Variants in NPR1 observed in about 807,000 individuals in gnomAD.
The protein encoded by NPR1 is atrial natriuretic peptide receptor 1.
NPR1 carries 57 observed loss-of-function variants against 116.9 expected under a neutral mutation model. The ratio of observed to expected loss-of-function variants is 0.49; its 90% CI spans 0.39 to 0.61. NPR1 has a LOEUF of 0.61. Ranked by LOEUF, NPR1 falls within the 20% of genes least tolerant of loss-of-function variation. The pLI is 0.00. For missense variants in NPR1, 1,096 were observed against 1,409.8 expected (o/e 0.78, Z 3.56); for synonymous variants, 555 against 601.6 (o/e 0.92, Z 1.13).
In NPR1 at chr1:153,687,246, T is replaced by A. The variant is rs1314865999; in HGVS notation, c.1982T>A (p.Leu661His). 6.2e-7 allele frequency: 1 copy of A among 1,614,146 alleles called. No individual in the cohort carries two copies. Among genetic ancestry groups the A allele is most frequent in the South Asian group, 1.1e-5 (1 of 91,090 alleles). The change falls in exon 13 of 22, where the codon CTC becomes CAC. Residue 661 changes from leucine to histidine, a missense_variant. Leu to His is a moderately conservative substitution (Grantham distance 99). Coordinates refer to ENST00000368680, the MANE Select transcript of NPR1 (RefSeq NM_000906.4). ...HNGAICSHGN[L>H]KSSNCVVDGR... ...GGGGCTATCTGTTCCCATGGGAACC[T>A]CAAGTCATCCAACTGCGTGGTAGAT...
At chr1:153,683,913 C>T in intron 7 of NPR1, 89 bp downstream of exon 7, 2 of 1,193,008 alleles carry the variant, frequency 1.7e-6, no homozygotes, top group Non-Finnish European at 2.5e-6. Flanking sequence ...GGGAAGAGGG[C>T]AGGGGTGAAG....
chr1:153,689,592 C>A lies in NPR1; in HGVS notation c.2757+71C>A. 6.9e-7 allele frequency: 1 copy of A among 1,449,004 alleles called. No individual in the cohort carries two copies. The highest frequency in any genetic ancestry group is 9.7e-7 in the Non-Finnish European group (1 of 1,032,728). 89.8% of individuals were successfully genotyped at this position (1,449,004 alleles called of 1,614,324 possible). A position where few individuals can be genotyped will look rare whatever the true frequency, so the allele number is the denominator to read the frequency against. On this transcript the variant is annotated intron_variant, in intron 18 of 21. Transcript: ENST00000368680. This position sits in a 1 kb window ranked among gnomAD's most constrained non-coding sequence, Gnocchi z 5.1. Reference sequence around the variant, plus strand: ...AGGTCAGAAAAAGATGAGGGGTAGGCAGAATGATGTGGAGTCTTAAGAGAG... The same window carrying A: ...AGGTCAGAAAAAGATGAGGGGTAGGAAGAATGATGTGGAGTCTTAAGAGAG...
intron 20 of NPR1, among the ~76,000 whole-genome samples, chr1:153,691,625 C>T (rs913508545): frequency 6.6e-6 from 1 of 152,030 alleles, no homozygotes; most frequent in Non-Finnish European, 1.5e-5. Context: ...ACATTCTGGG[C>T]GCTGGGGGTG....
intron 20 of NPR1, among the ~76,000 whole-genome samples, chr1:153,690,637 A>G (rs1324377236): frequency 1.3e-5 from 2 of 152,098 alleles, no homozygotes; most frequent in Admixed American, 1.3e-4. Context: ...CCCAGCAGGA[A>G]TCTGATTTTA....
In NPR1 at chr1:153,679,139, C is replaced by A. The variant is rs1417422135; in HGVS notation, c.31C>A (p.Arg11Ser). 2.1e-6 allele frequency: 3 copies of A among 1,458,748 alleles called. No homozygotes were observed. Among genetic ancestry groups the A allele is most frequent in the South Asian group, 1.4e-5 (1 of 73,852 alleles). The allele number at this position is 1,458,748 out of a possible 1,614,324, so 90.4% of individuals were successfully genotyped here. Reference sequence around the variant, plus strand: ...GGGGCCCCGGCGCCCCGCTGGCTCCCGCCTGCGCCTGCTCCTGCTCCTGCT... The same window carrying A: ...GGGGCCCCGGCGCCCCGCTGGCTCCAGCCTGCGCCTGCTCCTGCTCCTGCT... MPGPRRPAGSRLRLLLLLLLP... is the reference protein window; with the variant it reads MPGPRRPAGSSLRLLLLLLLP... Residue 11 changes from arginine to serine, a missense_variant, in exon 1 of 22, where the codon CGC (arginine) becomes AGC (serine). Coordinates refer to ENST00000368680, the MANE Select transcript of NPR1 (RefSeq NM_000906.4). The surrounding 1 kb of genome is among the most constrained non-coding windows in gnomAD (Gnocchi z 4.2).
chr1:153,679,029 C>G lies in NPR1; in HGVS notation c.-80C>G, dbSNP rs1486369258. On this transcript the variant is annotated 5_prime_UTR_variant, in exon 1 of 22. Coordinates refer to ENST00000368680, the MANE Select transcript of NPR1 (RefSeq NM_000906.4). The surrounding 1 kb of genome is among the most constrained non-coding windows in gnomAD (Gnocchi z 4.2). The stretch of plus-strand genomic sequence containing the variant: ...CCTTCCCATAGGGACGCGCCTGATG[C>G]CTGGGACCGGCCGCTGAGCCCAAGG... 1.5e-5 allele frequency: 20 copies of G among 1,366,428 alleles called. No homozygotes were observed. The Admixed American group carries it at 7.2e-4, about 49-fold the overall frequency. The allele number at this position is 1,366,428 out of a possible 1,614,324, so 84.6% of individuals were successfully genotyped here.
chr1:153,689,475 T>C lies in NPR1; in HGVS notation c.2711T>C (p.Leu904Pro). The change falls in exon 18 of 22, where the codon CTG becomes CCG. Residue 904 changes from leucine (L) to proline (P), a missense_variant. By Grantham distance (98) the Leu-to-Pro change is moderately conservative. Coordinates refer to ENST00000368680, the MANE Select transcript of NPR1 (RefSeq NM_000906.4). This position sits in a 1 kb window ranked among gnomAD's most constrained non-coding sequence, Gnocchi z 5.1. ...CAGGTGGTGACCCTGCTCAATGACCTGTACACTTGCTTTGATGCTGTCATA... is the reference window on the plus strand; with the variant it reads ...CAGGTGGTGACCCTGCTCAATGACCCGTACACTTGCTTTGATGCTGTCATA... ...PMQVVTLLND[L>P]YTCFDAVIDN... 6.2e-7 allele frequency: 1 copy of C among 1,614,214 alleles called. No homozygotes were observed. The highest frequency in any genetic ancestry group is 8.5e-7 in the Non-Finnish European group (1 of 1,180,034).
rs369475390 is a variant in NPR1, at chr1:153,689,123, C to T, written c.2564+24C>T. The T allele has an allele frequency of 1.1e-5, 17 of 1,614,062 alleles. No individual in the cohort carries two copies. Among genetic ancestry groups the T allele is most frequent in the East Asian group, 2.2e-5 (1 of 44,886 alleles). The stretch of plus-strand genomic sequence containing the variant: ...CAGTGAGTGCCTGAGTCTGGGGACC[C>T]CCCCCAACACAAAGCCCCTGTCCCG... On this transcript the variant is annotated intron_variant, in intron 16 of 21. Transcript: ENST00000368680. The surrounding 1 kb of genome is among the most constrained non-coding windows in gnomAD (Gnocchi z 5.1).
Position 153,689,785 on chromosome 1 carries a change from A to T in NPR1, c.2758-21A>T. 6.6e-7 allele frequency: 1 copy of T among 1,514,578 alleles called. No homozygotes were observed. The allele number at this position is 1,514,578 out of a possible 1,614,324, so 93.8% of individuals were successfully genotyped here. On this transcript the variant is annotated intron_variant, in intron 18 of 21. Transcript: ENST00000368680. This position sits in a 1 kb window ranked among gnomAD's most constrained non-coding sequence, Gnocchi z 5.1. ...CACAGTTGCAGCCGTCAAGTCCTGC[A>T]CCCCCTCGCCACTCCCACAGGTGGA...
At chr1:153,692,454 A>T (rs1236298815) in intron 20 of NPR1, among the ~76,000 whole-genome samples, 1 of 151,160 alleles carries the variant, frequency 6.6e-6, no homozygotes, top group African/African-American at 2.4e-5. Flanking sequence ...AGTAGCCTCT[A>T]GGCACATATG....
chr1:153,692,279 C>T lies in NPR1; in HGVS notation c.3032-827C>T, dbSNP rs1670127709. Among the ~76,000 whole-genome samples, 7 of 152,248 alleles carry T rather than the reference C, an allele frequency of 4.6e-5. No individual in the cohort carries two copies. The South Asian group carries it at 1.5e-3, about 32-fold the overall frequency. ...AAGCAGAGAGAATTTATTTTACATA[C>T]CTAAGCAAGTATCCAAGCTGAGGTT... On this transcript the variant is annotated intron_variant, in intron 20 of 21. Coordinates refer to ENST00000368680, the MANE Select transcript of NPR1 (RefSeq NM_000906.4).
chr1:153,687,905 C>A, intron 14 of NPR1, 116 bp downstream of exon 14: 1 of 1,207,166 alleles, frequency 8.3e-7, no homozygotes, highest in Non-Finnish European at 1.2e-6. Context: ...GTTCAGTCAC[C>A]ACCCTTTGAC....
Position 153,689,581 on chromosome 1 carries a change from T to C in NPR1, c.2757+60T>C. ...AGACATGGACAAGGTCAGAAAAAGA[T>C]GAGGGGTAGGCAGAATGATGTGGAG... On this transcript the variant is annotated intron_variant, in intron 18 of 21. Coordinates refer to ENST00000368680, the MANE Select transcript of NPR1 (RefSeq NM_000906.4). This position sits in a 1 kb window ranked among gnomAD's most constrained non-coding sequence, Gnocchi z 5.1. 1 of 1,508,574 alleles carries C rather than the reference T, an allele frequency of 6.6e-7. No homozygotes were observed. Among genetic ancestry groups the C allele is most frequent in the Non-Finnish European group, 9.2e-7 (1 of 1,085,688 alleles). The allele number at this position is 1,508,574 out of a possible 1,614,324, so 93.4% of individuals were successfully genotyped here.
At chr1:153,686,874 G>A in intron 11 of NPR1, 124 bp downstream of exon 11, 1 of 1,257,444 alleles carries the variant, frequency 8.0e-7, no homozygotes, top group East Asian at 2.4e-5. Context: ...TGTAAAAATG[G>A]GAGTTGGGGA....
In NPR1 at chr1:153,689,319, AG is replaced by A. The variant is rs749620343; in HGVS notation, c.2688+11del. 51 of 1,614,088 alleles carry A rather than the reference AG, an allele frequency of 3.2e-5. No individual in the cohort carries two copies. Among genetic ancestry groups the A allele is most frequent in the Admixed American group, 5.0e-5 (3 of 60,008 alleles). On this transcript the variant is annotated intron_variant, in intron 17 of 21. Transcript: ENST00000368680. This position sits in a 1 kb window ranked among gnomAD's most constrained non-coding sequence, Gnocchi z 5.1. ...GAGAGCACACCCATGCAGGTAGGCC[AG>A]GGTTCAGCCACAGGTGCCAGGCAAG... is the stretch of plus-strand genomic sequence containing the variant.
At position 153,683,432 on chromosome 1, in the gene NPR1, A is replaced by G; in HGVS notation, c.1320A>G (p.Lys440=). The change falls in exon 6 of 22, where the codon AAA becomes AAG. Residue 440 remains lysine, a synonymous_variant. Coordinates refer to ENST00000368680, the MANE Select transcript of NPR1 (RefSeq NM_000906.4). ...SQELVAVSGR[K]LNWPLGYPPP... The stretch of plus-strand genomic sequence containing the variant: ...AGCTGGTGGCTGTGTCGGGGCGCAA[A>G]CTGAACTGGCCCCTGGGGTACCCTC... The G allele has an allele frequency of 6.2e-7, 1 of 1,614,176 alleles. No homozygotes were observed. Among genetic ancestry groups the G allele is most frequent in the Non-Finnish European group, 8.5e-7 (1 of 1,180,018 alleles).
Position 153,679,868 on chromosome 1 carries a change from A to C in NPR1, c.721+39A>C. The C allele has an allele frequency of 1.3e-6, 2 of 1,531,274 alleles. No homozygotes were observed. The highest frequency in any genetic ancestry group is 1.7e-6 in the Non-Finnish European group (2 of 1,145,032). The allele number at this position is 1,531,274 out of a possible 1,614,324, so 94.9% of individuals were successfully genotyped here. A position where few individuals can be genotyped will look rare whatever the true frequency, so the allele number is the denominator to read the frequency against. On this transcript the variant is annotated intron_variant, in intron 1 of 21. Coordinates refer to ENST00000368680, the MANE Select transcript of NPR1 (RefSeq NM_000906.4). The surrounding 1 kb of genome is among the most constrained non-coding windows in gnomAD (Gnocchi z 4.2). Reference sequence around the variant, plus strand: ...ACACCCCGTCCCGCCGCTTAGCCGCAGGGCCTCCCCTCTGACCTGCCGGAG... The same window carrying C: ...ACACCCCGTCCCGCCGCTTAGCCGCCGGGCCTCCCCTCTGACCTGCCGGAG...
rs1189924933 is a variant in NPR1, at chr1:153,690,068, ATCTCTCTCTCTCTC to A, written c.2932+114_2932+127del. On this transcript the variant is annotated intron_variant, in intron 19 of 21. Coordinates refer to ENST00000368680, the MANE Select transcript of NPR1 (RefSeq NM_000906.4). ...CCCTGGCCCAGCCCCTCGCCCTTTCATCTCTCTCTCTCTCTCTCTCTCTCTCTCTCTCTCTCTCT... is the reference window on the plus strand; with the variant it reads ...CCCTGGCCCAGCCCCTCGCCCTTTCATCTCTCTCTCTCTCTCTCTCTCTCT... 4.7e-4 allele frequency: 319 copies of A among 680,086 alleles called. 1 individual carries two copies. The highest frequency in any genetic ancestry group is 2.2e-3 in the African/African-American group (68 of 31,506). The allele number at this position is 680,086 out of a possible 1,614,324, so 42.1% of individuals were successfully genotyped here.
chr1:153,682,813 A>T (rs1480549547), intron 5 of NPR1, among the ~76,000 whole-genome samples: 1 of 152,216 alleles, frequency 6.6e-6, no homozygotes, highest in African/African-American at 2.4e-5. Context: ...ATGCCTGAGG[A>T]GGGAGCACAA....
Sources: allele counts gnomAD v4.1 joint callset (sites outside exome capture counted in the v4.1 genomes callset), GRCh38; gene constraint gnomAD v4.1.1; non-coding constraint Gnocchi (gnomAD v3.1); transcripts MANE v1.5; gene names NCBI Gene and HGNC (gene_info 2026-07-23, HGNC 2026-07-21).